USH2A: variants seen among roughly 807,000 people sequenced by gnomAD.
USH2A encodes usherin, also known as Usher syndrome 2A (autosomal recessive, mild).
Under a neutral mutation model 538.9 loss-of-function variants are expected in USH2A, and 443 were observed. The ratio of observed to expected loss-of-function variants is 0.82; its 90% CI spans 0.76 to 0.89. The LOEUF (loss-of-function observed/expected upper bound fraction) is 0.89. Among genes scored for constraint, USH2A ranks in the 40% least tolerant of loss-of-function variants. The pLI, the probability that USH2A is intolerant of heterozygous loss-of-function variation, is 0.00. For synonymous variants in USH2A, 2,413 were observed against 2,273.5 expected, an observed-to-expected ratio of 1.06 and a Z score of -1.75; for missense variants, 6,633 against 6,324.8, an observed-to-expected ratio of 1.05 and a Z score of -1.65.
At chr1:215,640,433 A>G in intron 68 of USH2A, 125 bp downstream of exon 68, 1 of 1,261,492 alleles carries the variant, frequency 7.9e-7, no homozygotes, top group South Asian at 1.3e-5. Flanking sequence ...TTTTCACAAG[A>G]AGGGGGCACT....
chr1:215,917,331 C>A (rs945900936), intron 38 of USH2A, among the ~76,000 whole-genome samples: 22 of 152,160 alleles, frequency 1.4e-4, no homozygotes, highest in African/African-American at 5.3e-4. Context: ...TTCTAGGCAG[C>A]ATAGATTAAA....
intron 35 of USH2A, among the ~76,000 whole-genome samples, chr1:215,975,995 C>T (rs1181822566): frequency 6.6e-6 from 1 of 152,012 alleles, no homozygotes; most frequent in African/African-American, 2.4e-5. Flanking sequence ...TTTCTTTTAC[C>T]AGTGTTTTCT....
In USH2A at chr1:216,190,207, A is replaced by G; in HGVS notation, c.4396+16T>C. 1 of 1,611,838 alleles carries G rather than the reference A, an allele frequency of 6.2e-7. No individual in the cohort carries two copies. The highest frequency in any genetic ancestry group is 1.1e-5 in the South Asian group (1 of 91,066). The stretch of plus-strand genomic sequence containing the variant: ...GATAGGCAACAGATTTTTCATATCC[A>G]TTAAAACTTGCTTACCTGCTGCTAA... On this transcript the variant is annotated intron_variant, in intron 20 of 71. Coordinates refer to ENST00000307340, the MANE Select transcript of USH2A (RefSeq NM_206933.4).
At chr1:216,124,899 A>T (rs903237860) in intron 21 of USH2A, among the ~76,000 whole-genome samples, 11 of 152,154 alleles carry the variant, frequency 7.2e-5, no homozygotes, top group African/African-American at 2.7e-4. Flanking sequence ...CACCTCATTT[A>T]TCTGGTGTTA....
Position 216,075,946 on chromosome 1 carries a change from C to T in USH2A, c.5572+2143G>A, listed in dbSNP as rs141630955. ...ATTAAGAAGCAGAGAAAAGGAAAAA[C>T]GTTTTTAAGACAATTGATAGTGGGT... On this transcript the variant is annotated intron_variant, in intron 27 of 71. Transcript: ENST00000307340. 3.5e-4 allele frequency among the ~76,000 whole-genome samples: 52 copies of T among 150,252 alleles called. 1 individual carries two copies. Among genetic ancestry groups the T allele is most frequent in the Non-Finnish European group, 8.9e-5 (6 of 67,588 alleles).
At chr1:216,409,695 G>C (rs985354023) in intron 3 of USH2A, among the ~76,000 whole-genome samples, 2 of 152,036 alleles carry the variant, frequency 1.3e-5, no homozygotes, top group African/African-American at 4.8e-5. Context: ...ATTGAAACTG[G>C]ACCCCTTCCT....
In USH2A at chr1:216,104,158, C is replaced by G. The variant is rs112232002; in HGVS notation, c.4628-6945G>C. 3.5e-3 allele frequency among the ~76,000 whole-genome samples: 532 copies of G among 151,702 alleles called. 2 individuals carry two copies. The highest frequency in any genetic ancestry group is 4.9e-3 in the Non-Finnish European group (333 of 67,974). On this transcript the variant is annotated intron_variant, in intron 21 of 71. Coordinates refer to ENST00000307340, the MANE Select transcript of USH2A (RefSeq NM_206933.4). ...TGCATATATGTGTCATGTTGGTGTG[C>G]TGCACCCATTAACTCATCATTTACA... is the stretch of plus-strand genomic sequence containing the variant.
At chr1:215,760,373 C>T (rs527334575) in intron 56 of USH2A, among the ~76,000 whole-genome samples, 1 of 152,136 alleles carries the variant, frequency 6.6e-6, no homozygotes, top group South Asian at 2.1e-4. Context: ...CTCTCTCTCC[C>T]CTCTGCTTTT....
chr1:216,368,388 G>A (rs114849146), intron 3 of USH2A, among the ~76,000 whole-genome samples: 2,258 of 152,228 alleles, frequency 0.015, 54 homozygotes, highest in African/African-American at 0.051. Flanking sequence ...CCACTGAAAT[G>A]CCAGATCTTT....
At chr1:215,877,977 G>A in intron 42 of USH2A, 97 bp from the exon 43 acceptor site, 8 of 1,521,316 alleles carry the variant, frequency 5.3e-6, no homozygotes, top group Non-Finnish European at 5.4e-6. Context: ...TGTGATATAT[G>A]CGTGGAAGCA....
At chr1:215,773,524 C>CTCTGTCTT (rs1553260430) in intron 55 of USH2A, among the ~76,000 whole-genome samples, 181 of 148,924 alleles carry the variant, frequency 1.2e-3, no homozygotes, top group African/African-American at 4.6e-3. Flanking sequence ...CTCTCTCTCT[C>CTCTGTCTT]TCTCTCTCTG....
intron 14 of USH2A, among the ~76,000 whole-genome samples, chr1:216,228,155 T>C (rs2035596730): frequency 6.6e-6 from 1 of 152,036 alleles, no homozygotes; most frequent in Admixed American, 6.6e-5. Context: ...ATCCATAGAA[T>C]AGCATTCATG....
In USH2A at chr1:216,246,922, T is replaced by C. The variant is rs764514860; in HGVS notation, c.2472A>G (p.Arg824=). The change falls in exon 13 of 72, where the codon AGA becomes AGG. Residue 824 remains arginine (R), a synonymous_variant. Coordinates refer to ENST00000307340, the MANE Select transcript of USH2A (RefSeq NM_206933.4). The part of the protein sequence containing the change: ...QCICKPNVEG[R]QCNKCLEGNF... ...TTCCCTCCAAACATTTATTGCACTG[T>C]CTCCCTTCAACATTGGGCTTGCAGA... 1 of 1,614,006 alleles carries C rather than the reference T, an allele frequency of 6.2e-7. No individual in the cohort carries two copies. Among genetic ancestry groups the C allele is most frequent in the Non-Finnish European group, 8.5e-7 (1 of 1,179,996 alleles).
chr1:215,970,684 T>C lies in USH2A; in HGVS notation c.6898A>G (p.Ser2300Gly). ...SYRAYGFAPW[S>G]LHSFRVQACT... ...GCTTGGACTCTGAAGGAATGTAAAC[T>C]CCAAGGAGCAAATCCGTAAGCACGA... The change falls in exon 36 of 72, where the codon AGT (serine) becomes GGT (glycine). Residue 2300 changes from serine (S) to glycine (G), a missense_variant. Coordinates refer to ENST00000307340, the MANE Select transcript of USH2A (RefSeq NM_206933.4). 3 of 1,613,684 alleles carry C rather than the reference T, an allele frequency of 1.9e-6. No homozygotes were observed. The highest frequency in any genetic ancestry group is 2.5e-6 in the Non-Finnish European group (3 of 1,179,750).
rs538848743 is a variant in USH2A at position 216,218,800 on chromosome 1, G to C, written c.2994-1250C>G. Among the ~76,000 whole-genome samples the C allele has an allele frequency of 2.0e-5, 3 of 152,110 alleles. No individual in the cohort carries two copies. In the East Asian group the frequency reaches 5.8e-4, roughly 29 times the overall value. On this transcript the variant is annotated intron_variant, in intron 14 of 71. Transcript: ENST00000307340. ...TTACATCAGAATTCCATTTCAAATAGATGTTTTGTTTAGGTTAAGTTTTAG... is the reference window on the plus strand; with the variant it reads ...TTACATCAGAATTCCATTTCAAATACATGTTTTGTTTAGGTTAAGTTTTAG...
chr1:216,272,952 G>A (rs2102583495), intron 11 of USH2A, among the ~76,000 whole-genome samples: 1 of 152,178 alleles, frequency 6.6e-6, no homozygotes, highest in Non-Finnish European at 1.5e-5. Flanking sequence ...TGTGGCCACA[G>A]AACTCTTGGG....
At chr1:215,914,240 A>G (rs1279061233) in intron 38 of USH2A, among the ~76,000 whole-genome samples, 1 of 151,838 alleles carries the variant, frequency 6.6e-6, no homozygotes, top group African/African-American at 2.4e-5. Flanking sequence ...CACAGGAGCC[A>G]AAAAGCAAAA....
chr1:216,128,387 C>T (rs1053292896), intron 21 of USH2A, among the ~76,000 whole-genome samples: 1 of 151,956 alleles, frequency 6.6e-6, no homozygotes, highest in African/African-American at 2.4e-5. Flanking sequence ...AAGTTCAGTG[C>T]TTTTGTTTTT....
At chr1:216,399,368 G>A (rs1242298676) in intron 3 of USH2A, among the ~76,000 whole-genome samples, 1 of 152,112 alleles carries the variant, frequency 6.6e-6, no homozygotes, top group Non-Finnish European at 1.5e-5. Flanking sequence ...CCCTCACTAA[G>A]TGAGCAGGGC....
Sources: allele counts gnomAD v4.1 joint callset (sites outside exome capture counted in the v4.1 genomes callset), GRCh38; gene constraint gnomAD v4.1.1; transcripts MANE v1.5; gene names NCBI Gene and HGNC (gene_info 2026-07-23, HGNC 2026-07-21).